The following MSRA variants were observed in gnomAD, a reference collection of about 807,000 sequenced individuals.
The protein encoded by MSRA is mitochondrial peptide methionine sulfoxide reductase.
MSRA carries 54 observed loss-of-function variants against 31.3 expected under a neutral mutation model. The ratio of observed to expected loss-of-function variants is 1.73; its 90% CI spans 1.39 to 2.17. The LOEUF (loss-of-function observed/expected upper bound fraction) is 2.17, where lower values mean the gene tolerates loss of function less well. MSRA is among the 30% of genes most tolerant of loss of function. MSRA has a pLI of 0.00. For missense variants in MSRA, 507 were observed against 300.9 expected (o/e 1.69, Z -5.07); for synonymous variants, 169 against 116.5 (o/e 1.45, Z -2.90).
At chr8:10,058,140 C>A (rs1199506035) in intron 1 of MSRA, among the ~76,000 whole-genome samples, 1 of 151,782 alleles carries the variant, frequency 6.6e-6, no homozygotes, top group Non-Finnish European at 1.5e-5. Context: ...TTTTTTTGGG[C>A]ACTAACATGT....
chr8:10,161,672 A>G (rs1261431671), intron 1 of MSRA, among the ~76,000 whole-genome samples: 2 of 152,074 alleles, frequency 1.3e-5, no homozygotes, highest in Non-Finnish European at 2.9e-5. Context: ...GCTGGAGAGA[A>G]TGCAGGAGAC....
chr8:10,234,365 G>A (rs1811760260), intron 2 of MSRA, among the ~76,000 whole-genome samples: 1 of 152,132 alleles, frequency 6.6e-6, no homozygotes, highest in Admixed American at 6.5e-5. Flanking sequence ...GAGTTTGGGA[G>A]AAGGTTAGAA....
rs148843333 is a variant in MSRA at position 10,386,255 on chromosome 8, A to G, written c.544-41893A>G. Among the ~76,000 whole-genome samples the G allele has an allele frequency of 1.9e-3, 283 of 152,336 alleles. 1 individual carries two copies. The highest frequency in any genetic ancestry group is 6.6e-3 in the African/African-American group (274 of 41,586). ...TCCCAAAATTGTGTAGCCAAGTGGAAGAAACATTGGAATCTAGGTCTGATT... is the reference window on the plus strand; with the variant it reads ...TCCCAAAATTGTGTAGCCAAGTGGAGGAAACATTGGAATCTAGGTCTGATT... On this transcript the variant is annotated intron_variant, in intron 5 of 5. Transcript: ENST00000317173.
intron 1 of MSRA, among the ~76,000 whole-genome samples, chr8:10,061,900 A>G (rs1797211121): frequency 6.6e-6 from 1 of 152,192 alleles, no homozygotes; most frequent in Non-Finnish European, 1.5e-5. Context: ...AGGCATCTGC[A>G]GCAGTGGTGG....
intron 5 of MSRA, among the ~76,000 whole-genome samples, chr8:10,398,110 C>A (rs1016964631): frequency 6.6e-6 from 1 of 152,192 alleles, no homozygotes; most frequent in Non-Finnish European, 1.5e-5. Context: ...CCCCACTATC[C>A]AGTTGACTAA....
At chr8:10,083,185 T>TC (rs1563413212) in intron 1 of MSRA, among the ~76,000 whole-genome samples, 2 of 151,992 alleles carry the variant, frequency 1.3e-5, no homozygotes, top group Non-Finnish European at 1.5e-5. Flanking sequence ...CAGAGATTTT[T>TC]AAAGGGCCCA....
intron 3 of MSRA, among the ~76,000 whole-genome samples, chr8:10,252,211 G>C (rs1313902929): frequency 2.0e-5 from 3 of 152,178 alleles, no homozygotes; most frequent in South Asian, 2.1e-4. Context: ...TTATTAGAAG[G>C]GTTGAAAATG....
chr8:10,283,498 A>C (rs1200274348), intron 3 of MSRA, among the ~76,000 whole-genome samples: 3 of 151,752 alleles, frequency 2.0e-5, no homozygotes, highest in Non-Finnish European at 2.9e-5. Flanking sequence ...ACATGAGTGC[A>C]TTCTTTAGTG....
chr8:10,210,911 T>C (rs935909036), intron 2 of MSRA, among the ~76,000 whole-genome samples: 4 of 151,614 alleles, frequency 2.6e-5, no homozygotes, highest in Admixed American at 6.6e-5. Flanking sequence ...TTTTTTTTTA[T>C]TTTTAGTAGA....
intron 1 of MSRA, among the ~76,000 whole-genome samples, chr8:10,121,497 G>T (rs1265863990): frequency 6.6e-6 from 1 of 152,212 alleles, no homozygotes; most frequent in African/African-American, 2.4e-5. Context: ...TGTGGGGGCA[G>T]GTGTGGCAGG....
At chr8:10,220,315 G>A (rs1810379464) in intron 2 of MSRA, among the ~76,000 whole-genome samples, 2 of 152,154 alleles carry the variant, frequency 1.3e-5, no homozygotes, top group South Asian at 4.1e-4. Flanking sequence ...TCTGATGGAG[G>A]TCCCACCCTA....
chr8:10,410,146 C>G (rs1251353404), intron 5 of MSRA, among the ~76,000 whole-genome samples: 1 of 152,212 alleles, frequency 6.6e-6, no homozygotes, highest in Non-Finnish European at 1.5e-5. Flanking sequence ...CCATAGTGGT[C>G]TTCCCATGGT....
At chr8:10,385,507 A>G (rs1362158539) in intron 5 of MSRA, among the ~76,000 whole-genome samples, 7 of 152,172 alleles carry the variant, frequency 4.6e-5, no homozygotes, top group Admixed American at 4.6e-4. Flanking sequence ...AAGATGGGAC[A>G]GGATGGGTTT....
chr8:10,164,719 C>T (rs1391621485), intron 1 of MSRA, among the ~76,000 whole-genome samples: 2 of 152,084 alleles, frequency 1.3e-5, no homozygotes, highest in Admixed American at 1.3e-4. Context: ...GTAGAATAGT[C>T]ACCCTCAACC....
chr8:10,329,979 C>G (rs1334215045), intron 5 of MSRA, among the ~76,000 whole-genome samples: 1 of 146,204 alleles, frequency 6.8e-6, no homozygotes, highest in Admixed American at 6.8e-5. Flanking sequence ...ATCCTAAGAG[C>G]TAGAAGGATA....
intron 1 of MSRA, among the ~76,000 whole-genome samples, chr8:10,157,227 C>G (rs919973193): frequency 2.6e-5 from 4 of 152,052 alleles, no homozygotes; most frequent in African/African-American, 7.2e-5. Context: ...TAGTAAAGAT[C>G]TCGTTAACAC....
Position 10,286,858 on chromosome 8 carries a change from C to T in MSRA, c.332-14676C>T, listed in dbSNP as rs543077888. On this transcript the variant is annotated intron_variant, in intron 3 of 5. Coordinates refer to ENST00000317173, the MANE Select transcript of MSRA (RefSeq NM_012331.5). ...GTATCAGCACACTTTATAGTTAAAG[C>T]CTGTGTGTACGCACATGTGTGTGCA... 5.9e-5 allele frequency among the ~76,000 whole-genome samples: 9 copies of T among 152,364 alleles called. 1 individual carries two copies. The South Asian group carries it at 1.0e-3, about 18-fold the overall frequency.
At chr8:10,092,898 T>A (rs1039976468) in intron 1 of MSRA, among the ~76,000 whole-genome samples, 1 of 152,322 alleles carries the variant, frequency 6.6e-6, no homozygotes, top group South Asian at 2.1e-4. Context: ...ATTGGTTGTC[T>A]CTTCTTGATG....
intron 1 of MSRA, among the ~76,000 whole-genome samples, chr8:10,199,823 G>A (rs1041417445): frequency 6.6e-6 from 1 of 152,190 alleles, no homozygotes; most frequent in Admixed American, 6.5e-5. Flanking sequence ...ACTGGTTGAT[G>A]AAATGGAGTC....
Sources: gnomAD v4.1 joint callset for allele counts (sites outside exome capture counted in the v4.1 genomes callset) on GRCh38, gnomAD v4.1.1 for gene constraint, MANE v1.5 for transcripts, NCBI Gene and HGNC (gene_info 2026-07-23, HGNC 2026-07-21) for gene names.